NIBAN2: variants seen among roughly 807,000 people sequenced by gnomAD.
NIBAN2 encodes protein Niban 2.
In NIBAN2, 36 loss-of-function variants were observed where a neutral mutation model predicts 81.8. The ratio of observed to expected loss-of-function variants is 0.44; its 90% CI spans 0.34 to 0.58. The LOEUF (loss-of-function observed/expected upper bound fraction) is 0.58. NIBAN2 is among the 20% of genes least tolerant of loss of function. NIBAN2 has a pLI of 0.02. For missense variants in NIBAN2, 897 were observed against 1,014.1 expected, an observed-to-expected ratio of 0.88 and a Z score of 1.57; for synonymous variants, 445 against 441.6, an observed-to-expected ratio of 1.01 and a Z score of -0.10.
At chr9:127,553,524 T>G (rs1459334507) in intron 1 of NIBAN2, among the ~76,000 whole-genome samples, 9 of 152,170 alleles carry the variant, frequency 5.9e-5, no homozygotes, top group Admixed American at 5.9e-4. Context: ...CTCTTGAAGG[T>G]AGCTGCAACC....
intron 1 of NIBAN2, among the ~76,000 whole-genome samples, chr9:127,535,932 G>C (rs1218695574): frequency 6.6e-6 from 1 of 152,072 alleles, no homozygotes; most frequent in Non-Finnish European, 1.5e-5. Flanking sequence ...GGTACTGAGG[G>C]AGCGCCATGC....
At chr9:127,549,607 C>T (rs1050499389) in intron 1 of NIBAN2, among the ~76,000 whole-genome samples, 1 of 152,026 alleles carries the variant, frequency 6.6e-6, no homozygotes, top group African/African-American at 2.4e-5. Context: ...TGGGGAGGGG[C>T]GATTCTGCCT....
intron 1 of NIBAN2, among the ~76,000 whole-genome samples, chr9:127,574,857 G>C (rs1031599421): frequency 3.3e-5 from 5 of 150,786 alleles, no homozygotes; most frequent in African/African-American, 1.2e-4. Flanking sequence ...GTAGCTTACA[G>C]CCTGTTCCGT....
At position 127,563,695 on chromosome 9, in the gene NIBAN2, T is replaced by C. The variant is rs369323237; in HGVS notation, c.55+5125A>G. Among the ~76,000 whole-genome samples the C allele has an allele frequency of 3.2e-4, 49 of 152,158 alleles. No homozygotes were observed. The highest frequency in any genetic ancestry group is 1.1e-3 in the African/African-American group (45 of 41,536). ...GCACCACCAGGCCCGGCTAATTTTT[T>C]AGTAGAGACGTGGTTTCATCATGTT... On this transcript the variant is annotated intron_variant, in intron 1 of 13. Coordinates refer to ENST00000373312, the MANE Select transcript of NIBAN2 (RefSeq NM_022833.4). The surrounding 1 kb of genome is among the most constrained non-coding windows in gnomAD (Gnocchi z 4.1).
chr9:127,544,794 G>C (rs566574183), intron 1 of NIBAN2, among the ~76,000 whole-genome samples: 4 of 152,162 alleles, frequency 2.6e-5, no homozygotes, highest in Non-Finnish European at 4.4e-5. Flanking sequence ...ATGAGCCACC[G>C]CACCCGGCCA....
chr9:127,541,702 G>A (rs1053447384), intron 1 of NIBAN2, among the ~76,000 whole-genome samples: 1 of 152,160 alleles, frequency 6.6e-6, no homozygotes, highest in Non-Finnish European at 1.5e-5. Flanking sequence ...GGCAGGCCAG[G>A]AAGGAGGAGG....
rs959515262 is a variant in NIBAN2, at chr9:127,506,737, C to T, written c.*108G>A. ...CTGGCGGTGCCACACAGCCCTGCCC[C>T]GCCTCCACCCACAAGGCACAGACCA... On this transcript the variant is annotated 3_prime_UTR_variant, in exon 14 of 14. Transcript: ENST00000373312. 2.0e-5 allele frequency: 21 copies of T among 1,040,318 alleles called. No homozygotes were observed. Among genetic ancestry groups the T allele is most frequent in the Middle Eastern group, 3.3e-4 (1 of 3,008 alleles). 64.4% of individuals were successfully genotyped at this position (1,040,318 alleles called of 1,614,324 possible). A position where few individuals can be genotyped will look rare whatever the true frequency, so the allele number is the denominator to read the frequency against.
At chr9:127,515,911 G>A (rs1471200723) in intron 8 of NIBAN2, among the ~76,000 whole-genome samples, 1 of 152,022 alleles carries the variant, frequency 6.6e-6, no homozygotes, top group African/African-American at 2.4e-5. Flanking sequence ...GCCAAGGTGG[G>A]TGGATTGCTT....
upstream of NIBAN2, among the ~76,000 whole-genome samples, chr9:127,570,074 C>T (rs1402772541): frequency 6.6e-6 from 1 of 152,158 alleles, no homozygotes; most frequent in Admixed American, 6.6e-5. Flanking sequence ...ATCTCCTGAT[C>T]TGCACTGGGA....
intron 9 of NIBAN2, 65 bp downstream of exon 9, chr9:127,510,081 G>T (rs1836704888): frequency 6.9e-7 from 1 of 1,453,706 alleles, no homozygotes. Context: ...ACGCAGCCGG[G>T]GCCCTCTGGG....
At chr9:127,513,400 G>T (rs10429536) in intron 8 of NIBAN2, among the ~76,000 whole-genome samples, 1 of 152,170 alleles carries the variant, frequency 6.6e-6, no homozygotes, top group Non-Finnish European at 1.5e-5. Flanking sequence ...TAGGAGCTGG[G>T]TAAAATGAGG....
At chr9:127,512,900 G>A (rs1245205548) in intron 8 of NIBAN2, among the ~76,000 whole-genome samples, 1 of 152,142 alleles carries the variant, frequency 6.6e-6, no homozygotes, top group Non-Finnish European at 1.5e-5. Flanking sequence ...TCAGCCCATC[G>A]CAGCGATATC....
At chr9:127,542,533 C>T (rs554487900) in intron 1 of NIBAN2, among the ~76,000 whole-genome samples, 1 of 152,372 alleles carries the variant, frequency 6.6e-6, no homozygotes, top group Admixed American at 6.5e-5. Flanking sequence ...CCCCCACACA[C>T]CCCGGAGATT....
chr9:127,514,290 A>G (rs1008105736), intron 8 of NIBAN2, among the ~76,000 whole-genome samples: 4 of 145,718 alleles, frequency 2.7e-5, no homozygotes, highest in African/African-American at 1.0e-4. Context: ...AAAAAAAACT[A>G]AAAGAATATA....
intron 5 of NIBAN2, among the ~76,000 whole-genome samples, chr9:127,519,136 C>A (rs1437847711): frequency 7.3e-6 from 1 of 137,402 alleles, no homozygotes; most frequent in Admixed American, 8.1e-5. Flanking sequence ...GATTGCGCCA[C>A]TGCACTCTAG....
intron 1 of NIBAN2, among the ~76,000 whole-genome samples, chr9:127,554,536 CTTTTTCTTTTTCT>C (rs1837631215): frequency 8.1e-6 from 1 of 123,136 alleles, no homozygotes; most frequent in South Asian, 2.8e-4. Flanking sequence ...TTATTCTTTT[CTTTTTCTTTTTCT>C]TTTTTTTTTT....
At chr9:127,514,842 C>T (rs111237808) in intron 8 of NIBAN2, among the ~76,000 whole-genome samples, 1 of 152,178 alleles carries the variant, frequency 6.6e-6, no homozygotes, top group African/African-American at 2.4e-5. Context: ...AGCTGTCAAC[C>T]AATACTCAGG....
chr9:127,573,312 G>GT (rs376460482), upstream of NIBAN2, among the ~76,000 whole-genome samples: 678 of 137,832 alleles, frequency 4.9e-3, 5 homozygotes, highest in Non-Finnish European at 8.0e-3. Context: ...AGAATTTGTT[G>GT]TTTTTTTTTT....
chr9:127,523,800 T>A lies in NIBAN2; in HGVS notation c.468A>T (p.Thr156=). Residue 156 remains threonine (T), a synonymous_variant, in exon 5 of 14, where the codon ACA becomes ACT. Transcript: ENST00000373312. The part of the protein sequence containing the change: ...SGSAPILKCP[T]QFPLILWHPY... ...GATGCCAGAGGATGAGCGGGAACTG[T>A]GTGGGGCACTTGAGGATGGGGGCAC... 4 of 1,613,760 alleles carry A rather than the reference T, an allele frequency of 2.5e-6. No homozygotes were observed. Among genetic ancestry groups the A allele is most frequent in the Non-Finnish European group, 3.4e-6 (4 of 1,179,718 alleles).
Sources: gnomAD v4.1 joint callset for allele counts (sites outside exome capture counted in the v4.1 genomes callset) on GRCh38, gnomAD v4.1.1 for gene constraint, Gnocchi (gnomAD v3.1) non-coding constraint, MANE v1.5 for transcripts, NCBI Gene and HGNC (gene_info 2026-07-23, HGNC 2026-07-21) for gene names.